Variants in GUCY1A2 observed in about 807,000 individuals in gnomAD.
GUCY1A2 encodes guanylate cyclase soluble subunit alpha-2.
A neutral mutation model predicts 63.5 loss-of-function variants in GUCY1A2; 27 were observed. That is an observed-to-expected ratio of 0.43 (90% CI 0.31 to 0.59). The LOEUF (loss-of-function observed/expected upper bound fraction) is 0.59. Ranked by LOEUF, GUCY1A2 falls within the 20% of genes least tolerant of loss-of-function variation. GUCY1A2 has a pLI of 0.11. For missense variants in GUCY1A2, 768 were observed against 913.3 expected (o/e 0.84, Z 2.05); for synonymous variants, 364 against 343.5 (o/e 1.06, Z -0.66).
chr11:106,914,692 GAAAA>G (rs1249311572), intron 4 of GUCY1A2, among the ~76,000 whole-genome samples: 9 of 151,500 alleles, frequency 5.9e-5, no homozygotes, highest in African/African-American at 1.9e-4. Flanking sequence ...AATTACAAGA[GAAAA>G]TAAATAAAGA....
chr11:106,896,757 C>T (rs1860055634), intron 4 of GUCY1A2, among the ~76,000 whole-genome samples: 1 of 152,206 alleles, frequency 6.6e-6, no homozygotes, highest in Admixed American at 6.5e-5. Flanking sequence ...CCTCGCCAGA[C>T]ACCAATCCTG....
At chr11:106,775,562 TA>T (rs1025464189) in intron 6 of GUCY1A2, among the ~76,000 whole-genome samples, 13 of 152,128 alleles carry the variant, frequency 8.5e-5, no homozygotes, top group Non-Finnish European at 1.6e-4. Flanking sequence ...AATAGTTTTT[TA>T]AAAATATTTT....
chr11:107,006,407 G>A (rs575453724), intron 1 of GUCY1A2, among the ~76,000 whole-genome samples: 42 of 152,266 alleles, frequency 2.8e-4, no homozygotes, highest in African/African-American at 9.9e-4. Flanking sequence ...ACAAAAATCA[G>A]AATGCAGCAT....
intron 6 of GUCY1A2, among the ~76,000 whole-genome samples, chr11:106,735,200 T>C (rs1372175937): frequency 6.6e-6 from 1 of 152,114 alleles, no homozygotes; most frequent in Non-Finnish European, 1.5e-5. Flanking sequence ...TCCTGACTAG[T>C]CACCCTGTTG....
At chr11:106,941,572 G>C (rs1860753131) in intron 3 of GUCY1A2, among the ~76,000 whole-genome samples, 2 of 152,188 alleles carry the variant, frequency 1.3e-5, no homozygotes, top group Admixed American at 1.3e-4. Flanking sequence ...GCAGGACTGG[G>C]AAAAGAAGGT....
At chr11:106,711,147 T>C (rs1863111195) in intron 6 of GUCY1A2, among the ~76,000 whole-genome samples, 1 of 152,128 alleles carries the variant, frequency 6.6e-6, no homozygotes. Flanking sequence ...ATCTAATTAG[T>C]GCATGGATAG....
Position 107,006,277 on chromosome 11 carries a change from C to A in GUCY1A2, c.303+11476G>T, listed in dbSNP as rs186312170. ...TCATGAGTAATAGTAAACACAATGT[C>A]TTCCATTCACTGTTCACATTTTATT... On this transcript the variant is annotated intron_variant, in intron 1 of 7. Coordinates refer to ENST00000526355, the MANE Select transcript of GUCY1A2 (RefSeq NM_000855.3). 1.3e-3 allele frequency among the ~76,000 whole-genome samples: 204 copies of A among 152,322 alleles called. 1 individual carries two copies. Among genetic ancestry groups the A allele is most frequent in the African/African-American group, 4.7e-3 (197 of 41,572 alleles).
chr11:106,897,195 G>T (rs1860062565), intron 4 of GUCY1A2, among the ~76,000 whole-genome samples: 1 of 151,998 alleles, frequency 6.6e-6, no homozygotes, highest in South Asian at 2.1e-4. Context: ...AGAAATTAAA[G>T]AAAAACTACA....
intron 4 of GUCY1A2, among the ~76,000 whole-genome samples, chr11:106,897,891 AAAAC>A (rs1176749646): frequency 6.6e-6 from 1 of 152,166 alleles, no homozygotes; most frequent in Non-Finnish European, 1.5e-5. Context: ...TGCTCCACAG[AAAAC>A]AATATAAAGA....
intron 6 of GUCY1A2, among the ~76,000 whole-genome samples, chr11:106,775,688 G>GCCCGCCCC (rs910276636): frequency 8.4e-6 from 1 of 119,524 alleles, no homozygotes; most frequent in Non-Finnish European, 1.7e-5. Context: ...CATTTCCTGT[G>GCCCGCCCC]CCCGCCCCCC....
At chr11:106,884,455 G>C (rs1327515790) in intron 4 of GUCY1A2, among the ~76,000 whole-genome samples, 1 of 152,124 alleles carries the variant, frequency 6.6e-6, no homozygotes, top group Non-Finnish European at 1.5e-5. Context: ...CTCTGAGAGT[G>C]AGAGAGAGCA....
At chr11:106,743,479 A>T (rs1408645484) in intron 6 of GUCY1A2, among the ~76,000 whole-genome samples, 1 of 152,180 alleles carries the variant, frequency 6.6e-6, no homozygotes, top group Non-Finnish European at 1.5e-5. Flanking sequence ...TTTACCATTA[A>T]ATAAAATGTC....
intron 6 of GUCY1A2, among the ~76,000 whole-genome samples, chr11:106,757,466 G>A (rs567487311): frequency 6.6e-6 from 1 of 152,208 alleles, no homozygotes; most frequent in South Asian, 2.1e-4. Context: ...TTTTTCATTG[G>A]TTTCTCCCCG....
intron 5 of GUCY1A2, among the ~76,000 whole-genome samples, chr11:106,777,418 G>A (rs1319714989): frequency 7.1e-6 from 1 of 140,110 alleles, no homozygotes; most frequent in Non-Finnish European, 1.5e-5. Context: ...CTGCGCTCCA[G>A]CCTGGTGACA....
chr11:106,798,117 C>G (rs941719777), intron 5 of GUCY1A2, among the ~76,000 whole-genome samples: 2 of 152,148 alleles, frequency 1.3e-5, no homozygotes, highest in African/African-American at 4.8e-5. Flanking sequence ...AAATTACCAT[C>G]AGAGAATACT....
At position 106,985,248 on chromosome 11, in the gene GUCY1A2, G is replaced by C. The variant is rs751898251; in HGVS notation, c.365+822C>G. Among the ~76,000 whole-genome samples the C allele has an allele frequency of 3.9e-5, 6 of 152,128 alleles. 1 individual carries two copies. Among genetic ancestry groups the C allele is most frequent in the Non-Finnish European group, 8.8e-5 (6 of 67,998 alleles). ...AAGATAAATCACTGTACCATATAAA[G>C]AATACTAACAAGGTAAATTAAAATA... On this transcript the variant is annotated intron_variant, in intron 2 of 7. Transcript: ENST00000526355.
intron 4 of GUCY1A2, among the ~76,000 whole-genome samples, chr11:106,897,702 A>G (rs1213553731): frequency 6.6e-6 from 1 of 152,134 alleles, no homozygotes; most frequent in African/African-American, 2.4e-5. Context: ...TCTTTCACAA[A>G]AAATGCAAAA....
At chr11:106,839,834 G>A (rs1859171551) in intron 4 of GUCY1A2, among the ~76,000 whole-genome samples, 1 of 126,396 alleles carries the variant, frequency 7.9e-6, no homozygotes, top group African/African-American at 3.0e-5. Flanking sequence ...ACAGGAAGGG[G>A]AACATCACAC....
chr11:106,824,810 A>T, intron 4 of GUCY1A2: 1 of 1,579,874 alleles, frequency 6.3e-7, no homozygotes. Flanking sequence ...TGTAGGCTGA[A>T]TCGTCTCAAA....
Sources: allele counts gnomAD v4.1 joint callset (sites outside exome capture counted in the v4.1 genomes callset), GRCh38; gene constraint gnomAD v4.1.1; transcripts MANE v1.5; gene names NCBI Gene and HGNC (gene_info 2026-07-23, HGNC 2026-07-21).